BNIP3L: variants seen among roughly 807,000 people sequenced by gnomAD.
BNIP3L encodes the protein BCL2 interacting protein 3 like.
BNIP3L carries 10 observed loss-of-function variants against 25.5 expected under a neutral mutation model. The ratio of observed to expected loss-of-function variants is 0.39; its 90% CI spans 0.24 to 0.67. BNIP3L has a LOEUF of 0.67. Among genes scored for constraint, BNIP3L ranks in the 30% least tolerant of loss-of-function variants. The pLI is 0.45. For synonymous variants in BNIP3L, 113 were observed against 101.2 expected (o/e 1.12, Z -0.70); for missense variants, 215 against 270.9 (o/e 0.79, Z 1.45).
intron 3 of BNIP3L, among the ~76,000 whole-genome samples, chr8:26,401,819 C>T (rs546293996): frequency 2.6e-5 from 4 of 152,090 alleles, no homozygotes; most frequent in Non-Finnish European, 4.4e-5. Context: ...TAAAATCTTA[C>T]AAATGTTTGT....
At chr8:26,407,342 C>T (rs1371814017) in intron 3 of BNIP3L, among the ~76,000 whole-genome samples, 1 of 151,698 alleles carries the variant, frequency 6.6e-6, no homozygotes, top group African/African-American at 2.4e-5. Context: ...CCCGCCATCA[C>T]GCCCAGCTAA....
chr8:26,405,837 G>A (rs1339221090), intron 3 of BNIP3L, among the ~76,000 whole-genome samples: 4 of 145,144 alleles, frequency 2.8e-5, no homozygotes, highest in Non-Finnish European at 6.1e-5. Context: ...GAGGTCAGGA[G>A]TTCGAGACCA....
At chr8:26,406,131 A>G (rs1002370669) in intron 3 of BNIP3L, among the ~76,000 whole-genome samples, 1 of 152,250 alleles carries the variant, frequency 6.6e-6, no homozygotes, top group African/African-American at 2.4e-5. Context: ...AAGGGGAGCT[A>G]TTGGAAATGT....
chr8:26,387,190 G>T (rs116039342), intron 1 of BNIP3L, among the ~76,000 whole-genome samples: 1 of 152,180 alleles, frequency 6.6e-6, no homozygotes, highest in Non-Finnish European at 1.5e-5. Context: ...ATACGGCAAT[G>T]AGTATAATCA....
intron 2 of BNIP3L, among the ~76,000 whole-genome samples, chr8:26,391,648 C>A (rs1013008806): frequency 1.3e-5 from 2 of 152,134 alleles, no homozygotes; most frequent in Non-Finnish European, 2.9e-5. Flanking sequence ...TGTCATTTTT[C>A]TTACCCAGAT....
intron 5 of BNIP3L, 35 bp from the exon 6 acceptor site, chr8:26,410,329 A>C (rs1482464891): frequency 6.2e-7 from 1 of 1,613,562 alleles, no homozygotes; most frequent in Non-Finnish European, 8.5e-7. Context: ...GAACTGTTGA[A>C]ACAGGTGAAA....
chr8:26,387,518 A>G (rs968325471), intron 1 of BNIP3L, among the ~76,000 whole-genome samples: 1 of 152,162 alleles, frequency 6.6e-6, no homozygotes, highest in African/African-American at 2.4e-5. Flanking sequence ...GTAAAAAGGG[A>G]CTTTGTGAGG....
intron 1 of BNIP3L, among the ~76,000 whole-genome samples, chr8:26,387,635 T>A (rs1806019858): frequency 6.6e-6 from 1 of 152,206 alleles, no homozygotes; most frequent in Non-Finnish European, 1.5e-5. Flanking sequence ...CACATTTGCT[T>A]TTTTATGTGT....
intron 3 of BNIP3L, among the ~76,000 whole-genome samples, chr8:26,404,236 G>A (rs1308891104): frequency 2.0e-5 from 3 of 152,182 alleles, no homozygotes; most frequent in Admixed American, 1.3e-4. Context: ...TCCGAGAAGC[G>A]ATATAGATTA....
At chr8:26,383,494 C>T (rs117982737) in intron 1 of BNIP3L, 251,556 of 1,111,412 alleles carry the variant, frequency 0.23, 29,679 homozygotes, top group Middle Eastern at 0.31. Context: ...GCGGATCCCC[C>T]TGGTGCGGGG....
intron 1 of BNIP3L, among the ~76,000 whole-genome samples, chr8:26,385,638 T>TA (rs1442014948): frequency 1.3e-5 from 2 of 150,756 alleles, no homozygotes; most frequent in Admixed American, 1.3e-4. Flanking sequence ...GGCTGAGCCA[T>TA]ATGTCATTGT....
intron 3 of BNIP3L, among the ~76,000 whole-genome samples, chr8:26,407,457 A>C (rs1806526670): frequency 1.3e-5 from 2 of 151,824 alleles, no homozygotes; most frequent in Non-Finnish European, 2.9e-5. Flanking sequence ...AAGTGCTGGG[A>C]TTACAGGCGT....
At position 26,383,102 on chromosome 8, in the gene BNIP3L, G is replaced by A; in HGVS notation, c.-29G>A. 1 of 1,570,546 alleles carries A rather than the reference G, an allele frequency of 6.4e-7. No homozygotes were observed. Among genetic ancestry groups the A allele is most frequent in the Non-Finnish European group, 8.7e-7 (1 of 1,154,638 alleles). On this transcript the variant is annotated 5_prime_UTR_variant, in exon 1 of 6. Coordinates refer to ENST00000380629, the MANE Select transcript of BNIP3L (RefSeq NM_004331.3). ...CCTGAGTGCCGGAGACGGTCCTGCT[G>A]CTGCCGCAGTCCTGCCAGCTGTCCG...
chr8:26,407,201 T>C (rs1426825029), intron 3 of BNIP3L, among the ~76,000 whole-genome samples: 27 of 150,816 alleles, frequency 1.8e-4, no homozygotes, highest in Admixed American at 1.8e-3. Flanking sequence ...TGTTTTGTTT[T>C]TTGAGGCGGA....
At position 26,391,294 on chromosome 8, in the gene BNIP3L, A is replaced by G. The variant is rs1179329716; in HGVS notation, c.152A>G (p.Asn51Ser). Residue 51 changes from asparagine to serine, a missense_variant, in exon 2 of 6, where the codon AAT becomes AGT. Physicochemically the swap from Asn to Ser is conservative, Grantham distance 46 (BLOSUM62 1). Around this residue, in one of 4 missense-constraint regions of BNIP3L, gnomAD observed 36 missense variants for 75.2 expected, o/e 0.48. Coordinates refer to ENST00000380629, the MANE Select transcript of BNIP3L (RefSeq NM_004331.3). ...AGCAGCAATGGCAATGATAATGGCA[A>G]TGGGAAAAATGGGGGGCTGGAACAC... Reference protein sequence around the residue: ...MNSSNGNDNGNGKNGGLEHVP... With the variant: ...MNSSNGNDNGSGKNGGLEHVP... 7 of 1,612,504 alleles carry G rather than the reference A, an allele frequency of 4.3e-6. No homozygotes were observed. The South Asian group carries it at 4.4e-5, about 10-fold the overall frequency.
intron 3 of BNIP3L, among the ~76,000 whole-genome samples, chr8:26,400,154 A>G (rs947031874): frequency 6.6e-6 from 1 of 151,324 alleles, no homozygotes; most frequent in Non-Finnish European, 1.5e-5. Context: ...ACACTACCTG[A>G]CTTCAAACTA....
intron 1 of BNIP3L, chr8:26,390,328 A>T: frequency 1.0e-6 from 1 of 977,850 alleles, no homozygotes. Context: ...TTCAAGATGT[A>T]TGCAGAATTA....
At chr8:26,395,073 T>C (rs1365312327) in intron 2 of BNIP3L, among the ~76,000 whole-genome samples, 157 bp from the exon 3 acceptor site, 1 of 152,246 alleles carries the variant, frequency 6.6e-6, no homozygotes, top group Non-Finnish European at 1.5e-5. Context: ...CCTTTTAATA[T>C]CACATAAATT....
At chr8:26,391,891 G>A (rs1806120469) in intron 2 of BNIP3L, among the ~76,000 whole-genome samples, 1 of 152,200 alleles carries the variant, frequency 6.6e-6, no homozygotes, top group Non-Finnish European at 1.5e-5. Context: ...CTGGCACGTA[G>A]TAGACACTCA....
Sources: gnomAD v4.1 joint callset for allele counts (sites outside exome capture counted in the v4.1 genomes callset) on GRCh38, gnomAD v4.1.1 for gene constraint, gnomAD v4.1.1 regional missense constraint, MANE v1.5 for transcripts, NCBI Gene and HGNC (gene_info 2026-07-23, HGNC 2026-07-21) for gene names.